TOX3: variants seen among roughly 807,000 people sequenced by gnomAD.
TOX3 encodes TOX high mobility group box family member 3.
Under a neutral mutation model 64.3 loss-of-function variants are expected in TOX3, and 22 were observed. That is an observed-to-expected ratio of 0.34 (90% confidence interval 0.24 to 0.49). TOX3 has a LOEUF of 0.49. Among genes scored for constraint, TOX3 ranks in the 20% least tolerant of loss-of-function variants. The probability of loss-of-function intolerance (pLI) is 0.99; values close to 1 mark genes in which losing one functional copy is unlikely to be tolerated. For missense variants in TOX3, 661 were observed against 714.4 expected (o/e 0.93, Z 0.85); for synonymous variants, 291 against 273.6 (o/e 1.06, Z -0.63).
chr16:52,465,823 G>T (rs1006925605), intron 2 of TOX3, among the ~76,000 whole-genome samples: 20 of 152,144 alleles, frequency 1.3e-4, no homozygotes, highest in Non-Finnish European at 1.6e-4. Flanking sequence ...TCTATGGTGG[G>T]ACAACTGAAC....
chr16:52,510,704 C>T lies in TOX3; in HGVS notation c.87+35933G>A, dbSNP rs181640120. ...CTGGGAGGTGGAGGTTGCAGTGAGC[C>T]GAGATGGGACCACTGCACTCCAGCC... On this transcript the variant is annotated intron_variant, in intron 1 of 6. Transcript: ENST00000219746. 6.3e-3 allele frequency among the ~76,000 whole-genome samples: 849 copies of T among 134,474 alleles called. 7 individuals carry two copies. The highest frequency in any genetic ancestry group is 0.03 in the South Asian group (126 of 4,254). The allele number at this position is 134,474 out of a possible 152,430, so 88.2% of individuals were successfully genotyped here.
chr16:52,456,981 T>G (rs1224460958), intron 3 of TOX3, among the ~76,000 whole-genome samples: 3 of 152,240 alleles, frequency 2.0e-5, no homozygotes, highest in Admixed American at 6.5e-5. Flanking sequence ...ACTTCCTTAC[T>G]GTGTAAGTCA....
intron 1 of TOX3, among the ~76,000 whole-genome samples, chr16:52,542,272 A>G (rs971410339): frequency 2.0e-5 from 3 of 152,246 alleles, no homozygotes; most frequent in East Asian, 1.9e-4. Flanking sequence ...ATAGTTGGAC[A>G]TGGGAGCAGA....
At chr16:52,449,731 A>G (rs1220659350) in intron 4 of TOX3, among the ~76,000 whole-genome samples, 1 of 152,272 alleles carries the variant, frequency 6.6e-6, no homozygotes, top group African/African-American at 2.4e-5. Flanking sequence ...AAGCATTTGG[A>G]AAAGTCATAC....
intron 1 of TOX3, among the ~76,000 whole-genome samples, chr16:52,495,620 G>A (rs1293386089): frequency 6.6e-6 from 1 of 152,154 alleles, no homozygotes; most frequent in Non-Finnish European, 1.5e-5. Context: ...TGTGGTGTAC[G>A]CAGAATTTGA....
chr16:52,513,206 C>T (rs1330542673), intron 1 of TOX3, among the ~76,000 whole-genome samples: 22 of 152,192 alleles, frequency 1.4e-4, no homozygotes, highest in Admixed American at 1.2e-3. Context: ...GCAACTGGTT[C>T]AATGCTTCTC....
rs1013492771 is a variant in TOX3, at chr16:52,439,995, A to C, written c.988-27T>G. Reference sequence around the variant, plus strand: ...TGCATTTTGGGGGAGAAAATTCCAGACTGTTACAACACATAAGTATTTAAA... The same window carrying C: ...TGCATTTTGGGGGAGAAAATTCCAGCCTGTTACAACACATAAGTATTTAAA... On this transcript the variant is annotated intron_variant, in intron 6 of 6. Transcript: ENST00000219746. 8 of 1,492,564 alleles carry C rather than the reference A, an allele frequency of 5.4e-6. No homozygotes were observed. In the Admixed American group the frequency reaches 1.8e-4, roughly 34 times the overall value. The allele number at this position is 1,492,564 out of a possible 1,614,324, so 92.5% of individuals were successfully genotyped here.
intron 1 of TOX3, among the ~76,000 whole-genome samples, chr16:52,487,620 T>C (rs775326841): frequency 2.0e-5 from 3 of 152,208 alleles, no homozygotes; most frequent in Non-Finnish European, 4.4e-5. Context: ...TAAAGGATTG[T>C]TTTTGTCTCT....
chr16:52,545,537 C>A (rs1963155451), intron 1 of TOX3, among the ~76,000 whole-genome samples: 1 of 152,214 alleles, frequency 6.6e-6, no homozygotes, highest in Non-Finnish European at 1.5e-5. Context: ...TTTTGTTTAG[C>A]ACCTTTCTTT....
intron 4 of TOX3, among the ~76,000 whole-genome samples, chr16:52,448,418 C>T (rs1197014962): frequency 6.6e-6 from 1 of 152,056 alleles, no homozygotes; most frequent in East Asian, 1.9e-4. Flanking sequence ...GGAAAGGAAT[C>T]CCTCTCAACT....
At chr16:52,546,183 G>C (rs1310104100) in intron 1 of TOX3, among the ~76,000 whole-genome samples, 2 of 152,068 alleles carry the variant, frequency 1.3e-5, no homozygotes, top group Non-Finnish European at 2.9e-5. Context: ...CCCCGAGGCC[G>C]GCTCTGGAGT....
rs1391139539 is a variant in TOX3 at position 52,510,783 on chromosome 16, A to AGAG, written c.87+35853_87+35854insCTC. On this transcript the variant is annotated intron_variant, in intron 1 of 6. Transcript: ENST00000219746. ...TCAAAAAAAAAAAAAAAAAAAAAGA[A>AGAG]GAAGAAGAAGAAGAAAAAGAAAATT... 1.7e-4 allele frequency among the ~76,000 whole-genome samples: 26 copies of AGAG among 150,554 alleles called. 1 individual carries two copies. Among genetic ancestry groups the AGAG allele is most frequent in the African/African-American group, 6.1e-4 (25 of 41,054 alleles).
intron 1 of TOX3, among the ~76,000 whole-genome samples, chr16:52,514,919 G>T (rs529846233): frequency 5.2e-4 from 74 of 143,432 alleles, no homozygotes; most frequent in African/African-American, 1.9e-3. Context: ...GTTGAGGCAG[G>T]AGAATGGCAT....
intron 1 of TOX3, among the ~76,000 whole-genome samples, chr16:52,524,164 A>G (rs1030400754): frequency 6.6e-6 from 1 of 152,210 alleles, no homozygotes; most frequent in Non-Finnish European, 1.5e-5. Flanking sequence ...AAGATGCCAT[A>G]AGCTATTATG....
At chr16:52,497,740 A>C (rs1961886348) in intron 1 of TOX3, among the ~76,000 whole-genome samples, 1 of 152,124 alleles carries the variant, frequency 6.6e-6, no homozygotes, top group Non-Finnish European at 1.5e-5. Flanking sequence ...GTGATCATCA[A>C]CTAATATCTC....
chr16:52,494,926 C>G (rs1343930641), intron 1 of TOX3, among the ~76,000 whole-genome samples: 1 of 152,146 alleles, frequency 6.6e-6, no homozygotes, highest in East Asian at 1.9e-4. Flanking sequence ...CTTGTTTACA[C>G]CACAATTCTC....
At chr16:52,501,899 G>A (rs1485770162) in intron 1 of TOX3, among the ~76,000 whole-genome samples, 1 of 152,124 alleles carries the variant, frequency 6.6e-6, no homozygotes, top group Non-Finnish European at 1.5e-5. Context: ...GGGCTAAGAT[G>A]GACCCTTCTC....
intron 1 of TOX3, among the ~76,000 whole-genome samples, chr16:52,525,030 T>A (rs1306284164): frequency 1.3e-5 from 2 of 152,194 alleles, no homozygotes; most frequent in African/African-American, 4.8e-5. Flanking sequence ...GGCAAGATAT[T>A]TGAGGGAAAA....
Position 52,496,524 on chromosome 16 carries a change from T to C in TOX3, c.88-27950A>G, listed in dbSNP as rs115695258. 8.4e-3 allele frequency among the ~76,000 whole-genome samples: 1,284 copies of C among 152,308 alleles called. 18 individuals carry two copies. The highest frequency in any genetic ancestry group is 0.029 in the African/African-American group (1,196 of 41,576). Reference sequence around the variant, plus strand: ...TCTTTGCCTTACAAAAGAAGTACTTTCTAAAGACAGGTGACAATTCTGTTC... The same window carrying C: ...TCTTTGCCTTACAAAAGAAGTACTTCCTAAAGACAGGTGACAATTCTGTTC... On this transcript the variant is annotated intron_variant, in intron 1 of 6. Transcript: ENST00000219746.
Sources: gnomAD v4.1 joint callset for allele counts (sites outside exome capture counted in the v4.1 genomes callset) on GRCh38, gnomAD v4.1.1 for gene constraint, MANE v1.5 for transcripts, NCBI Gene and HGNC (gene_info 2026-07-23, HGNC 2026-07-21) for gene names.